Variants in NTRK3 observed in about 807,000 individuals in gnomAD.
NTRK3 encodes the protein neurotrophic receptor tyrosine kinase 3, also known as NT-3 growth factor receptor.
Under a neutral mutation model 91.7 loss-of-function variants are expected in NTRK3, and 24 were observed. The ratio of observed to expected loss-of-function variants is 0.26; its 90% CI spans 0.19 to 0.37. The LOEUF (loss-of-function observed/expected upper bound fraction) is 0.37, where lower values mean the gene tolerates loss of function less well. NTRK3 is among the 10% of genes least tolerant of loss of function. NTRK3 has a pLI of 1.00. For synonymous variants in NTRK3, 483 were observed against 404.0 expected, an observed-to-expected ratio of 1.20 and a Z score of -2.34; for missense variants, 880 against 1,068.9, an observed-to-expected ratio of 0.82 and a Z score of 2.46.
chr15:87,947,356 C>T (rs2142081398), intron 14 of NTRK3, among the ~76,000 whole-genome samples: 1 of 152,200 alleles, frequency 6.6e-6, no homozygotes, highest in African/African-American at 2.4e-5. Context: ...CATGACAGCC[C>T]CCTTCAACCC....
chr15:88,052,860 G>C (rs2045350200), intron 13 of NTRK3, among the ~76,000 whole-genome samples: 1 of 152,124 alleles, frequency 6.6e-6, no homozygotes, highest in African/African-American at 2.4e-5. Flanking sequence ...TTAGGAACAA[G>C]GAGCTGAAAA....
At chr15:88,008,029 A>C (rs1420103114) in intron 14 of NTRK3, among the ~76,000 whole-genome samples, 1 of 152,208 alleles carries the variant, frequency 6.6e-6, no homozygotes, top group African/African-American at 2.4e-5. Flanking sequence ...ACAGAGATCT[A>C]AGGGAACAAA....
intron 6 of NTRK3, among the ~76,000 whole-genome samples, chr15:88,142,526 T>A (rs2042485925): frequency 6.6e-6 from 1 of 152,176 alleles, no homozygotes; most frequent in African/African-American, 2.4e-5. Context: ...GTTTTCTTCT[T>A]CCCTGCACAG....
chr15:88,154,404 T>G (rs1201360475), intron 5 of NTRK3, among the ~76,000 whole-genome samples: 1 of 152,216 alleles, frequency 6.6e-6, no homozygotes, highest in African/African-American at 2.4e-5. Context: ...CCTTAAAATC[T>G]AATGCCTATG....
intron 13 of NTRK3, among the ~76,000 whole-genome samples, chr15:88,069,022 G>A (rs1180705819): frequency 6.6e-6 from 1 of 152,186 alleles, no homozygotes; most frequent in African/African-American, 2.4e-5. Flanking sequence ...TGGCTATTAT[G>A]GGGCTGTAAT....
At chr15:87,927,991 GT>G (rs561060983) in intron 17 of NTRK3, 3 of 151,464 alleles carry the variant, frequency 2.0e-5, no homozygotes, top group Non-Finnish European at 2.9e-5. Context: ...TGTTTTTTTG[GT>G]TTTTTTTGAC....
intron 3 of NTRK3, among the ~76,000 whole-genome samples, chr15:88,229,503 G>C (rs143829383): frequency 1.1e-3 from 174 of 152,316 alleles, no homozygotes; most frequent in African/African-American, 3.7e-3. Context: ...TCCTCCTCAA[G>C]ATGGATGCCT....
rs560864398 is a variant in NTRK3, at chr15:88,077,586, C to A, written c.1397-44541G>T. ...TATGCCTGAGTCATTTGTCTGGCTA[C>A]ATTAGACTCCAAGGCCTCAGGCAGG... On this transcript the variant is annotated intron_variant, in intron 13 of 18. Transcript: ENST00000394480. Among the ~76,000 whole-genome samples, 3 of 152,232 alleles carry A rather than the reference C, an allele frequency of 2.0e-5. No homozygotes were observed. In the South Asian group the frequency reaches 6.2e-4, roughly 32 times the overall value.
intron 3 of NTRK3, among the ~76,000 whole-genome samples, chr15:88,197,000 T>C (rs2047879617): frequency 6.9e-6 from 1 of 145,574 alleles, no homozygotes; most frequent in Non-Finnish European, 1.5e-5. Flanking sequence ...GCAGCAGAGA[T>C]GGTCAGTCAA....
intron 13 of NTRK3, among the ~76,000 whole-genome samples, chr15:88,080,898 T>C (rs2047983334): frequency 6.6e-6 from 1 of 152,204 alleles, no homozygotes. Context: ...GCAGTGTTGG[T>C]CCAACCAGTC....
chr15:87,892,549 T>C (rs542405760), intron 17 of NTRK3, among the ~76,000 whole-genome samples: 3 of 152,340 alleles, frequency 2.0e-5, no homozygotes, highest in South Asian at 2.1e-4. Flanking sequence ...TTACATTTTA[T>C]CTTTTATATT....
intron 13 of NTRK3, among the ~76,000 whole-genome samples, chr15:88,087,761 C>A (rs2048638967): frequency 6.6e-6 from 1 of 152,180 alleles, no homozygotes. Context: ...TTAAATACTT[C>A]CAGCTGGCTG....
chr15:87,986,511 A>G (rs1287095635), intron 14 of NTRK3, among the ~76,000 whole-genome samples: 1 of 152,212 alleles, frequency 6.6e-6, no homozygotes, highest in Non-Finnish European at 1.5e-5. Flanking sequence ...ATTTTGCTGC[A>G]TATGCATATA....
chr15:87,909,105 C>T (rs2066937791), intron 17 of NTRK3, among the ~76,000 whole-genome samples: 2 of 152,166 alleles, frequency 1.3e-5, no homozygotes, highest in Middle Eastern at 3.4e-3. Context: ...ACCCAGATTC[C>T]CTCTCCTTTC....
intron 14 of NTRK3, among the ~76,000 whole-genome samples, chr15:88,000,326 C>G (rs373160171): frequency 6.6e-6 from 1 of 152,208 alleles, no homozygotes; most frequent in East Asian, 1.9e-4. Context: ...GAACAAGGAG[C>G]TCATGCAAGG....
intron 3 of NTRK3, among the ~76,000 whole-genome samples, chr15:88,238,580 T>G (rs190991369): frequency 2.9e-4 from 44 of 152,342 alleles, no homozygotes; most frequent in African/African-American, 1.1e-3. Context: ...GCCCACGATT[T>G]TATCTTTCTG....
At chr15:87,960,330 CTCTT>C (rs2072133206) in intron 14 of NTRK3, among the ~76,000 whole-genome samples, 1 of 152,136 alleles carries the variant, frequency 6.6e-6, no homozygotes, top group Non-Finnish European at 1.5e-5. Context: ...AATAACTCTT[CTCTT>C]TCTTCTAAGG....
At chr15:87,944,643 G>T (rs1315238781) in intron 14 of NTRK3, among the ~76,000 whole-genome samples, 1 of 152,186 alleles carries the variant, frequency 6.6e-6, no homozygotes, top group Non-Finnish European at 1.5e-5. Context: ...AAATGATCCA[G>T]TTCACAGAGG....
chr15:87,898,925 T>C (rs983681315), intron 17 of NTRK3, among the ~76,000 whole-genome samples: 2 of 151,330 alleles, frequency 1.3e-5, no homozygotes, highest in Non-Finnish European at 2.9e-5. Flanking sequence ...ACATTTTCAA[T>C]CCAGTCCCTC....
Sources: allele counts gnomAD v4.1 joint callset (sites outside exome capture counted in the v4.1 genomes callset), GRCh38; gene constraint gnomAD v4.1.1; transcripts MANE v1.5; gene names NCBI Gene and HGNC (gene_info 2026-07-23, HGNC 2026-07-21).